The following USP15 variants were observed in gnomAD, a reference collection of about 807,000 sequenced individuals.
USP15 encodes ubiquitin carboxyl-terminal hydrolase 15.
USP15 carries 18 observed loss-of-function variants against 127.1 expected under a neutral mutation model. The observed-to-expected ratio is 0.14, with a 90% CI of 0.10 to 0.21. The LOEUF (loss-of-function observed/expected upper bound fraction) is 0.21, where lower values mean the gene tolerates loss of function less well. Among genes scored for constraint, USP15 ranks in the 10% least tolerant of loss-of-function variants. USP15 has a pLI of 1.00. For missense variants in USP15, 805 were observed against 1,159.9 expected (o/e 0.69, Z 4.44); for synonymous variants, 364 against 393.7 (o/e 0.92, Z 0.89).
intron 8 of USP15, chr12:62,374,455 A>G: frequency 5.1e-6 from 5 of 985,748 alleles, no homozygotes; most frequent in Non-Finnish European, 6.0e-6. Flanking sequence ...GAGCACCTGA[A>G]CAGAAAGGGA....
At chr12:62,368,835 G>T (rs1006000586) in intron 8 of USP15, among the ~76,000 whole-genome samples, 1 of 152,142 alleles carries the variant, frequency 6.6e-6, no homozygotes, top group Non-Finnish European at 1.5e-5. Context: ...GTGTGAATTT[G>T]TTCCTGTCAT....
chr12:62,404,303 A>G lies in USP15; in HGVS notation c.2874A>G (p.Pro958=), dbSNP rs1240783406. 4 of 1,613,316 alleles carry G rather than the reference A, an allele frequency of 2.5e-6. No individual in the cohort carries two copies. Among genetic ancestry groups the G allele is most frequent in the Middle Eastern group, 1.7e-4 (1 of 6,060 alleles). Residue 958 remains proline (P), a synonymous_variant, in exon 22 of 22, where the codon CCA becomes CCG. Coordinates refer to ENST00000280377, the MANE Select transcript of USP15 (RefSeq NM_001252078.2). The part of the protein sequence containing the change: ...TKGASAATGI[P]LESDEDSNDN... ...GTGCTTCAGCTGCCACTGGCATCCC[A>G]TTAGAAAGTGATGAAGATAGCAATG...
At chr12:62,366,574 C>T (rs1252864997) in intron 8 of USP15, among the ~76,000 whole-genome samples, 2 of 152,208 alleles carry the variant, frequency 1.3e-5, no homozygotes, top group Non-Finnish European at 2.9e-5. Flanking sequence ...CTGGCCAGAA[C>T]TTCCAATAAT....
chr12:62,307,392 T>A (rs1319787223), intron 3 of USP15, among the ~76,000 whole-genome samples: 1 of 152,156 alleles, frequency 6.6e-6, no homozygotes, highest in East Asian at 1.9e-4. Flanking sequence ...GATTTCATAA[T>A]CGTTATGGAC....
At chr12:62,323,833 G>GT (rs1206149658) in intron 5 of USP15, among the ~76,000 whole-genome samples, 1 of 152,060 alleles carries the variant, frequency 6.6e-6, no homozygotes, top group African/African-American at 2.4e-5. Context: ...TTCTTGATAG[G>GT]TATGTATTTA....
intron 2 of USP15, among the ~76,000 whole-genome samples, chr12:62,296,344 C>A (rs763255272): frequency 6.6e-6 from 1 of 152,148 alleles, no homozygotes. Flanking sequence ...ACTAATAAAT[C>A]GGTGATGTTT....
rs148929019 is a variant in USP15, at chr12:62,281,819, T to G, written c.90-12360T>G. ...TGTACAGAAAGAAGTCACTACAAGA[T>G]CTAGGAAAGATAGTTGATACAGAAA... On this transcript the variant is annotated intron_variant, in intron 1 of 21. Transcript: ENST00000280377. Among the ~76,000 whole-genome samples the G allele has an allele frequency of 1.8e-3, 270 of 152,238 alleles. 1 individual carries two copies. The highest frequency in any genetic ancestry group is 6.4e-3 in the African/African-American group (266 of 41,550).
At chr12:62,346,324 GT>G (rs2065817211) in intron 6 of USP15, among the ~76,000 whole-genome samples, 1 of 152,068 alleles carries the variant, frequency 6.6e-6, no homozygotes, top group Admixed American at 6.6e-5. Context: ...TGAAGTATAG[GT>G]TAGTGCTACT....
Position 62,391,451 on chromosome 12 carries a change from C to T in USP15, c.2233+22C>T, listed in dbSNP as rs765822533. On this transcript the variant is annotated intron_variant, in intron 16 of 21. Coordinates refer to ENST00000280377, the MANE Select transcript of USP15 (RefSeq NM_001252078.2). ...GATGGTAAGTATTTGTGAAAAATGG[C>T]TTGAACATTAAACAAGCCGAGCATG... The T allele has an allele frequency of 1.0e-5, 16 of 1,582,622 alleles. No individual in the cohort carries two copies. In the South Asian group the frequency reaches 1.9e-4, roughly 19 times the overall value.
At chr12:62,324,303 T>C (rs1347896941) in intron 5 of USP15, among the ~76,000 whole-genome samples, 1 of 151,994 alleles carries the variant, frequency 6.6e-6, no homozygotes, top group East Asian at 1.9e-4. Context: ...TAAATACTGT[T>C]AGGAATTAAG....
In USP15 at chr12:62,325,418, G is replaced by A. The variant is rs961234356; in HGVS notation, c.622-454G>A. The stretch of plus-strand genomic sequence containing the variant: ...TCTGTAATTTGGAATTATCTGTGTC[G>A]CCCTTCGTCTGCATTTGCATAAAAA... On this transcript the variant is annotated intron_variant, in intron 5 of 21. Transcript: ENST00000280377. Among the ~76,000 whole-genome samples, 14 of 151,954 alleles carry A rather than the reference G, an allele frequency of 9.2e-5. No homozygotes were observed. In the East Asian group the frequency reaches 9.6e-4, roughly 10 times the overall value.
rs139809577 is a variant in USP15 at position 62,294,500 on chromosome 12, G to A, written c.217+194G>A. ...GTTATTATTCTGTATGACAAGTTTTGTTTTTCATTTATGATGTAATAAGGT... is the reference window on the plus strand; with the variant it reads ...GTTATTATTCTGTATGACAAGTTTTATTTTTCATTTATGATGTAATAAGGT... On this transcript the variant is annotated intron_variant, in intron 2 of 21. Coordinates refer to ENST00000280377, the MANE Select transcript of USP15 (RefSeq NM_001252078.2). 3.8e-5 allele frequency: 19 copies of A among 496,542 alleles called. No individual in the cohort carries two copies. In the Admixed American group the frequency reaches 7.5e-4, roughly 19 times the overall value. The allele number at this position is 496,542 out of a possible 1,614,324, so 30.8% of individuals were successfully genotyped here. A position where few individuals can be genotyped will look rare whatever the true frequency, so the allele number is the denominator to read the frequency against.
chr12:62,349,407 A>C, intron 7 of USP15, 100 bp downstream of exon 7: 2 of 706,860 alleles, frequency 2.8e-6, no homozygotes, highest in Non-Finnish European at 4.1e-6. Flanking sequence ...GTCTTAATGC[A>C]TTAAAATTGG....
At chr12:62,270,973 G>A (rs1306894772) in intron 1 of USP15, among the ~76,000 whole-genome samples, 1 of 151,994 alleles carries the variant, frequency 6.6e-6, no homozygotes, top group Admixed American at 6.6e-5. Context: ...ATGTGGTATA[G>A]TAGTATTTGC....
At chr12:62,365,888 C>T (rs1168739710) in intron 8 of USP15, among the ~76,000 whole-genome samples, 1 of 152,060 alleles carries the variant, frequency 6.6e-6, no homozygotes, top group African/African-American at 2.4e-5. Flanking sequence ...TTTCTGATGC[C>T]TCTGTTCTGT....
chr12:62,372,233 A>G (rs1027539690), intron 8 of USP15, among the ~76,000 whole-genome samples: 2 of 152,136 alleles, frequency 1.3e-5, no homozygotes, highest in East Asian at 1.9e-4. Flanking sequence ...CTGGAGGGTC[A>G]GAGAGCTACC....
chr12:62,360,153 T>C (rs1310770590), intron 8 of USP15, among the ~76,000 whole-genome samples: 2 of 152,080 alleles, frequency 1.3e-5, no homozygotes, highest in Non-Finnish European at 2.9e-5. Context: ...GTCTTTTCCA[T>C]TGGAAAGCAG....
intron 6 of USP15, among the ~76,000 whole-genome samples, chr12:62,330,098 G>A (rs949319331): frequency 3.9e-5 from 6 of 151,936 alleles, no homozygotes; most frequent in African/African-American, 1.5e-4. Context: ...ACAGTTGAGA[G>A]AAAGAAACAA....
intron 19 of USP15, among the ~76,000 whole-genome samples, chr12:62,394,315 G>A (rs2067414917): frequency 6.6e-6 from 1 of 152,146 alleles, no homozygotes; most frequent in South Asian, 2.1e-4. Flanking sequence ...ACACCAAAAT[G>A]TACTTGATAC....
Sources: allele counts gnomAD v4.1 joint callset (sites outside exome capture counted in the v4.1 genomes callset), GRCh38; gene constraint gnomAD v4.1.1; transcripts MANE v1.5; gene names NCBI Gene and HGNC (gene_info 2026-07-23, HGNC 2026-07-21).